The following SPATA7 variants were observed in gnomAD, a reference collection of about 807,000 sequenced individuals.
SPATA7 encodes the protein spermatogenesis-associated protein 7.
Under a neutral mutation model 51.8 loss-of-function variants are expected in SPATA7, and 43 were observed. The observed-to-expected ratio is 0.83, with a 90% CI of 0.65 to 1.07. The LOEUF (loss-of-function observed/expected upper bound fraction) is 1.07, where lower values mean the gene tolerates loss of function less well. Ranked by LOEUF, SPATA7 falls within the 50% of genes least tolerant of loss-of-function variation. SPATA7 has a pLI of 0.00. For missense variants in SPATA7, 683 were observed against 701.3 expected (o/e 0.97, Z 0.30); for synonymous variants, 230 against 252.8 (o/e 0.91, Z 0.86).
chr14:88,427,414 A>G (rs574331609), intron 6 of SPATA7, among the ~76,000 whole-genome samples: 3 of 152,020 alleles, frequency 2.0e-5, no homozygotes, highest in African/African-American at 7.3e-5. Flanking sequence ...ACAATTTAAG[A>G]TTAGTATTTT....
chr14:88,421,114 A>G (rs1457706198), intron 5 of SPATA7, among the ~76,000 whole-genome samples: 1 of 150,712 alleles, frequency 6.6e-6, no homozygotes, highest in Non-Finnish European at 1.5e-5. Flanking sequence ...CTCCGTCTCA[A>G]AAAAAAAAAT....
At chr14:88,427,890 C>T in intron 7 of SPATA7, 194 bp downstream of exon 7, 1 of 496,768 alleles carries the variant, frequency 2.0e-6, no homozygotes, top group East Asian at 3.3e-5. Context: ...CAGGTGGATC[C>T]TGCCAAATCT....
rs1487702331 is a variant in SPATA7, at chr14:88,469,654, T to C, written c.255-193T>C. 1 of 1,614,068 alleles carries C rather than the reference T, an allele frequency of 6.2e-7. No homozygotes were observed. The highest frequency in any genetic ancestry group is 1.7e-5 in the Admixed American group (1 of 60,000). ...GTCTGTGCGGAACCGGGTCGTGATC[T>C]TAAACCTTCCATAGGTGACAGTGTT... On this transcript the variant is annotated intron_variant, in intron 4 of 4. Coordinates refer to the SPATA7 transcript ENST00000556406. This position sits in a 1 kb window ranked among gnomAD's most constrained non-coding sequence, Gnocchi z 4.3.
At chr14:88,424,321 G>GA (rs1396033097) in intron 5 of SPATA7, among the ~76,000 whole-genome samples, 1 of 152,050 alleles carries the variant, frequency 6.6e-6, no homozygotes, top group Non-Finnish European at 1.5e-5. Flanking sequence ...TCCAAGGAAA[G>GA]AAAAAATAGG....
intron 5 of SPATA7, among the ~76,000 whole-genome samples, chr14:88,423,548 TAA>T (rs879530968): frequency 1.4e-5 from 2 of 144,208 alleles, no homozygotes; most frequent in African/African-American, 5.1e-5. Flanking sequence ...AAAGTAAGAT[TAA>T]AAAAAAAAAA....
At chr14:88,437,694 C>A in intron 11 of SPATA7, 97 bp downstream of exon 11, 1 of 1,311,012 alleles carries the variant, frequency 7.6e-7, no homozygotes, top group Non-Finnish European at 1.1e-6. Context: ...AAAGCAAGTG[C>A]TTTTTTTTTC....
At chr14:88,468,045 A>C (rs947208980) in intron 4 of SPATA7, 1 of 1,469,364 alleles carries the variant, frequency 6.8e-7, no homozygotes, top group African/African-American at 1.4e-5. Context: ...TGCGTGGATC[A>C]AGTGTCAACG....
chr14:88,468,314 C>A, intron 4 of SPATA7: 1 of 1,506,856 alleles, frequency 6.6e-7, no homozygotes, highest in East Asian at 2.3e-5. Flanking sequence ...CCTGGGGAGA[C>A]AGAAAGGATG....
At chr14:88,394,907 A>G (rs776127128) in intron 3 of SPATA7, among the ~76,000 whole-genome samples, 5 of 152,134 alleles carry the variant, frequency 3.3e-5, no homozygotes, top group Admixed American at 3.3e-4. Flanking sequence ...TCCCATCTGT[A>G]TATCTTCTTT....
At chr14:88,432,964 A>C in intron 9 of SPATA7, 171 bp from the exon 10 acceptor site, 1 of 591,982 alleles carries the variant, frequency 1.7e-6, no homozygotes, top group South Asian at 2.2e-5. Flanking sequence ...ATCCTTGCAT[A>C]ATTTGAGAAG....
chr14:88,397,623 A>T (rs1449783885), intron 4 of SPATA7, among the ~76,000 whole-genome samples: 1 of 151,142 alleles, frequency 6.6e-6, no homozygotes, highest in Non-Finnish European at 1.5e-5. Context: ...GGCCTAGGTG[A>T]CAGGGAGATG....
chr14:88,427,563 G>C lies in SPATA7; in HGVS notation c.846-67G>C, dbSNP rs1271297774. On this transcript the variant is annotated intron_variant, in intron 6 of 11. Transcript: ENST00000393545. ...TTTTTGAGTTTATTTTTTCTAGCCAGTAAACCTTGTTACCACAGTGCTTAT... is the reference window on the plus strand; with the variant it reads ...TTTTTGAGTTTATTTTTTCTAGCCACTAAACCTTGTTACCACAGTGCTTAT... 6 of 1,073,898 alleles carry C rather than the reference G, an allele frequency of 5.6e-6. No homozygotes were observed. The East Asian group carries it at 1.6e-4, about 28-fold the overall frequency. The allele number at this position is 1,073,898 out of a possible 1,614,324, so 66.5% of individuals were successfully genotyped here. A position where few individuals can be genotyped will look rare whatever the true frequency, so the allele number is the denominator to read the frequency against.
At chr14:88,465,316 A>G (rs1226804119) in intron 4 of SPATA7, among the ~76,000 whole-genome samples, 1 of 152,006 alleles carries the variant, frequency 6.6e-6, no homozygotes, top group Non-Finnish European at 1.5e-5. Context: ...AAAATACAAA[A>G]ATTAGCCGGG....
At chr14:88,414,525 T>C (rs2076423326) in intron 4 of SPATA7, 1 of 249,678 alleles carries the variant, frequency 4.0e-6, no homozygotes, top group African/African-American at 2.3e-5. Flanking sequence ...TCATTGAACA[T>C]TTATATGGAT....
downstream of SPATA7, among the ~76,000 whole-genome samples, chr14:88,443,279 C>T (rs1274612616): frequency 6.6e-6 from 1 of 152,150 alleles, no homozygotes; most frequent in African/African-American, 2.4e-5. Context: ...CCATTTCAAT[C>T]TCACTGCTCG....
At chr14:88,435,415 T>TA (rs2077056856) in intron 10 of SPATA7, among the ~76,000 whole-genome samples, 1 of 152,304 alleles carries the variant, frequency 6.6e-6, no homozygotes, top group Admixed American at 6.5e-5. Flanking sequence ...TCTCAAGCAT[T>TA]TATCCTTTGA....
intron 1 of SPATA7, 170 bp downstream of exon 1, chr14:88,386,007 G>A (rs2075564516): frequency 1.4e-6 from 2 of 1,472,512 alleles, no homozygotes. Flanking sequence ...AAGGAAGAGG[G>A]AGAGCCTGCT....
chr14:88,448,558 G>C (rs1247898309), intron 3 of SPATA7, among the ~76,000 whole-genome samples: 1 of 152,240 alleles, frequency 6.6e-6, no homozygotes, highest in East Asian at 1.9e-4. Context: ...GAGGAGAGGC[G>C]CTCTGCTTTT....
intron 4 of SPATA7, among the ~76,000 whole-genome samples, chr14:88,403,474 TAC>T (rs2076124147): frequency 1.3e-5 from 2 of 152,038 alleles, no homozygotes; most frequent in Admixed American, 1.3e-4. Context: ...AAAGAAATAC[TAC>T]ACACACATAC....
Sources: allele counts gnomAD v4.1 joint callset (sites outside exome capture counted in the v4.1 genomes callset), GRCh38; gene constraint gnomAD v4.1.1; non-coding constraint Gnocchi (gnomAD v3.1); transcripts MANE v1.5; gene names NCBI Gene and HGNC (gene_info 2026-07-23, HGNC 2026-07-21).